Variants in RFT1 observed in about 807,000 individuals in gnomAD.
RFT1 encodes the protein RFT1 glycolipid translocator homolog.
A neutral mutation model predicts 62.2 loss-of-function variants in RFT1; 43 were observed. The ratio of observed to expected loss-of-function variants is 0.69; its 90% CI spans 0.54 to 0.89. The LOEUF (loss-of-function observed/expected upper bound fraction) is 0.89. Ranked by LOEUF, RFT1 falls within the 40% of genes least tolerant of loss-of-function variation. RFT1 has a pLI of 0.00. For synonymous variants in RFT1, 262 were observed against 264.6 expected (o/e 0.99, Z 0.10); for missense variants, 605 against 649.9 (o/e 0.93, Z 0.75).
chr3:53,102,573 A>G (rs1701348079), intron 10 of RFT1, among the ~76,000 whole-genome samples: 2 of 152,196 alleles, frequency 1.3e-5, no homozygotes, highest in African/African-American at 4.8e-5. Flanking sequence ...TAGGTGTGAG[A>G]AGGATTTCTA....
chr3:53,102,687 T>G (rs2107104912), intron 10 of RFT1, among the ~76,000 whole-genome samples: 1 of 152,334 alleles, frequency 6.6e-6, no homozygotes, highest in Admixed American at 6.5e-5. Context: ...GTCCGTGCTG[T>G]GTCCGAGTCC....
chr3:53,103,848 A>G, intron 10 of RFT1, 105 bp downstream of exon 10: 1 of 1,417,334 alleles, frequency 7.1e-7, no homozygotes. Context: ...AGTTTTCCCT[A>G]CACTGACACA....
chr3:53,080,860 G>A, the RFT1 span, among the ~76,000 whole-genome samples: 1 of 152,168 alleles, frequency 6.6e-6, no homozygotes, highest in African/African-American at 2.4e-5. Context: ...TAGGCCTGGG[G>A]AAGCAAAGCC....
chr3:53,111,960 A>AGAATGCAATGCTACATGAGAGGC, intron 6 of RFT1, 52 bp from the exon 7 acceptor site: 1 of 1,402,078 alleles, frequency 7.1e-7, no homozygotes, highest in African/African-American at 1.4e-5. Flanking sequence ...TGCAAGTCTA[A>AGAATGCAATGCTACATGAGAGGC]GAATGCAATG....
Position 53,120,445 on chromosome 3 carries a change from T to C in RFT1, c.559-424A>G, listed in dbSNP as rs147054994. On this transcript the variant is annotated intron_variant, in intron 5 of 12. Transcript: ENST00000296292. Reference sequence around the variant, plus strand: ...CCGTCATCAAGGACTGTGGGTTTTCTATAAACCCCGGAAACCTGTGCCATT... The same window carrying C: ...CCGTCATCAAGGACTGTGGGTTTTCCATAAACCCCGGAAACCTGTGCCATT... 1.7e-4 allele frequency among the ~76,000 whole-genome samples: 26 copies of C among 152,348 alleles called. No homozygotes were observed. In the East Asian group the frequency reaches 4.6e-3, roughly 27 times the overall value.
chr3:53,070,681 T>C, the RFT1 span, among the ~76,000 whole-genome samples: 1 of 151,430 alleles, frequency 6.6e-6, no homozygotes. Flanking sequence ...GGGTGTATTA[T>C]GTTTTTAAAG....
chr3:53,122,729 C>T (rs1702005859), intron 3 of RFT1, among the ~76,000 whole-genome samples, 166 bp from the exon 4 acceptor site: 1 of 152,200 alleles, frequency 6.6e-6, no homozygotes. Context: ...GCTTATCTCA[C>T]TGACACCTCA....
At chr3:53,117,321 C>G (rs1014739805) in intron 6 of RFT1, among the ~76,000 whole-genome samples, 1 of 152,160 alleles carries the variant, frequency 6.6e-6, no homozygotes, top group Admixed American at 6.5e-5. Context: ...AGAGGGGCCT[C>G]ACAGGTCACG....
chr3:53,114,969 C>T (rs1701752172), intron 6 of RFT1, among the ~76,000 whole-genome samples: 1 of 152,166 alleles, frequency 6.6e-6, no homozygotes. Flanking sequence ...CTGTCACCTC[C>T]TCCACCCTAC....
At chr3:53,093,718 C>T (rs1310349840) in intron 11 of RFT1, among the ~76,000 whole-genome samples, 1 of 152,014 alleles carries the variant, frequency 6.6e-6, no homozygotes, top group Non-Finnish European at 1.5e-5. Context: ...ACCCCCGTCT[C>T]TACAAAACCC....
intron 7 of RFT1, among the ~76,000 whole-genome samples, chr3:53,107,925 C>G (rs1384075829): frequency 1.3e-5 from 2 of 152,212 alleles, no homozygotes; most frequent in African/African-American, 4.8e-5. Flanking sequence ...GACTCTCTCT[C>G]CAAGCCCCTG....
chr3:53,077,798 G>A, the RFT1 span: 55 of 152,364 alleles, frequency 3.6e-4, no homozygotes, highest in African/African-American at 1.3e-3. Context: ...GGACACCAAG[G>A]TCCACTGCTC....
At chr3:53,074,998 AC>A in the RFT1 span, among the ~76,000 whole-genome samples, 1 of 152,054 alleles carries the variant, frequency 6.6e-6, no homozygotes, top group African/African-American at 2.4e-5. Flanking sequence ...CCCCGAGTCA[AC>A]CCTTTATATA....
rs756497073 is a variant in RFT1 at position 53,092,049 on chromosome 3, C to G, written c.1480G>C (p.Gly494Arg). ...VSEVFLCCEQ[G>R]WPARLAHIAV... ...ATGTGTGCCAGTCTGGCTGGCCAGC[C>G]CTGCTCACAGCAGAGGAATACCTGG... The change falls in exon 13 of 13, where the codon GGC becomes CGC. Residue 494 changes from glycine to arginine, a missense_variant. By Grantham distance (125) the Gly-to-Arg change is moderately radical (BLOSUM62 -2). Coordinates refer to ENST00000296292, the MANE Select transcript of RFT1 (RefSeq NM_052859.4). The G allele has an allele frequency of 1.9e-6, 3 of 1,614,128 alleles. No individual in the cohort carries two copies. Among genetic ancestry groups the G allele is most frequent in the African/African-American group, 2.7e-5 (2 of 74,954 alleles).
the RFT1 span, among the ~76,000 whole-genome samples, chr3:53,073,176 C>T: frequency 1.3e-5 from 2 of 152,224 alleles, no homozygotes; most frequent in Non-Finnish European, 2.9e-5. Flanking sequence ...CATAACACTG[C>T]AGAGAGAGAG....
intron 1 of RFT1, among the ~76,000 whole-genome samples, chr3:53,127,182 C>T (rs1423685255): frequency 6.6e-6 from 1 of 151,758 alleles, no homozygotes; most frequent in Admixed American, 6.6e-5. Flanking sequence ...TTTGGGAGGC[C>T]GAGGCGGGTG....
At position 53,109,894 on chromosome 3, in the gene RFT1, A is replaced by T. The variant is rs554420931; in HGVS notation, c.775+1936T>A. ...GAGCTGTAGTTTTAAAAATATATCGAATCTGAGGATCTCAGTCAGGCAACT... is the reference window on the plus strand; with the variant it reads ...GAGCTGTAGTTTTAAAAATATATCGTATCTGAGGATCTCAGTCAGGCAACT... On this transcript the variant is annotated intron_variant, in intron 7 of 12. Coordinates refer to ENST00000296292, the MANE Select transcript of RFT1 (RefSeq NM_052859.4). 2.0e-5 allele frequency among the ~76,000 whole-genome samples: 3 copies of T among 152,270 alleles called. No individual in the cohort carries two copies. The East Asian group carries it at 5.8e-4, about 29-fold the overall frequency.
Position 53,110,518 on chromosome 3 carries a change from G to A in RFT1, c.775+1312C>T, listed in dbSNP as rs115820934. Among the ~76,000 whole-genome samples the A allele has an allele frequency of 5.6e-3, 852 of 152,236 alleles. 9 individuals carry two copies. The highest frequency in any genetic ancestry group is 0.02 in the African/African-American group (811 of 41,540). ...TTGTAATAGCAAAGTTATAAGGTTA[G>A]GCTGGAAACGTGTGTACTCTCAAAG... is the stretch of plus-strand genomic sequence containing the variant. On this transcript the variant is annotated intron_variant, in intron 7 of 12. Coordinates refer to ENST00000296292, the MANE Select transcript of RFT1 (RefSeq NM_052859.4).
In RFT1 at chr3:53,105,961, G is replaced by A. The variant is rs2336722; in HGVS notation, c.827-158C>T. Among the ~76,000 whole-genome samples, 77,978 of 152,020 alleles carry A rather than the reference G, an allele frequency of 0.51. 21,624 individuals are homozygous for A. Among genetic ancestry groups the A allele is most frequent in the East Asian group, 0.72 (3,726 of 5,164 alleles). ...ATAAGAAGTAATAGTGGCCAGGCAC[G>A]GTGGCTCATGCCTATAATCCCAGCA... On this transcript the variant is annotated intron_variant, in intron 8 of 12. Coordinates refer to ENST00000296292, the MANE Select transcript of RFT1 (RefSeq NM_052859.4).
Sources: gnomAD v4.1 joint callset for allele counts (sites outside exome capture counted in the v4.1 genomes callset) on GRCh38, gnomAD v4.1.1 for gene constraint, MANE v1.5 for transcripts, NCBI Gene and HGNC (gene_info 2026-07-23, HGNC 2026-07-21) for gene names.